The following NR2F1-AS1 variants were observed in gnomAD, a reference collection of about 807,000 sequenced individuals.
The protein encoded by NR2F1-AS1 is NR2F1 antisense RNA 1.
At chr5:93,438,421 C>T (rs903470775) in intron 4 of NR2F1-AS1, among the ~76,000 whole-genome samples, 8 of 152,190 alleles carry the variant, frequency 5.3e-5, no homozygotes, top group Non-Finnish European at 8.8e-5. Context: ...TCCTGCCTCT[C>T]ATTCACCAGG....
At chr5:93,443,004 A>T (rs1749609226) in intron 4 of NR2F1-AS1, among the ~76,000 whole-genome samples, 1 of 152,214 alleles carries the variant, frequency 6.6e-6, no homozygotes, top group South Asian at 2.1e-4. Flanking sequence ...GAAAACTAAC[A>T]AACAGAAAGG....
chr5:93,415,129 T>C (rs998550065), intron 4 of NR2F1-AS1, among the ~76,000 whole-genome samples: 1 of 152,206 alleles, frequency 6.6e-6, no homozygotes, highest in Non-Finnish European at 1.5e-5. Context: ...TTTAAGCCAC[T>C]ATACTTTGGT....
At chr5:93,435,667 A>G (rs1390275966) in intron 4 of NR2F1-AS1, among the ~76,000 whole-genome samples, 1 of 152,162 alleles carries the variant, frequency 6.6e-6, no homozygotes, top group Non-Finnish European at 1.5e-5. Context: ...ATGCCCCATC[A>G]GGGCTCGCTC....
At chr5:93,491,593 A>T (rs1450886593) in intron 4 of NR2F1-AS1, among the ~76,000 whole-genome samples, 10 of 152,312 alleles carry the variant, frequency 6.6e-5, no homozygotes, top group South Asian at 2.1e-4. Flanking sequence ...TAATCAGTTA[A>T]CAAAGGAAAG....
At chr5:93,576,429 CTTT>C (rs199848607) in intron 1 of NR2F1-AS1, among the ~76,000 whole-genome samples, 1 of 138,460 alleles carries the variant, frequency 7.2e-6, no homozygotes, top group Non-Finnish European at 1.6e-5. Flanking sequence ...TATGCTTGTG[CTTT>C]TTTTTTTTTT....
At chr5:93,422,875 C>G (rs1749116728) in intron 4 of NR2F1-AS1, among the ~76,000 whole-genome samples, 1 of 152,016 alleles carries the variant, frequency 6.6e-6, no homozygotes, top group Admixed American at 6.6e-5. Context: ...GTGGACAGCA[C>G]CTGGGGAGTT....
intron 4 of NR2F1-AS1, among the ~76,000 whole-genome samples, chr5:93,413,208 GTATATATATATATGTGTGTGTA>G (rs1561423409): frequency 7.8e-6 from 1 of 128,568 alleles, no homozygotes; most frequent in Non-Finnish European, 1.6e-5. Flanking sequence ...GTATATATAT[GTATATATATATATGTGTGTGTA>G]TATATATATA....
chr5:93,528,255 C>T (rs993044128), intron 4 of NR2F1-AS1, among the ~76,000 whole-genome samples: 11 of 152,194 alleles, frequency 7.2e-5, no homozygotes, highest in Non-Finnish European at 1.3e-4. Context: ...AAAAAAAGCT[C>T]ATCATCACTG....
At chr5:93,453,292 A>G (rs542377947) in intron 4 of NR2F1-AS1, among the ~76,000 whole-genome samples, 2 of 152,192 alleles carry the variant, frequency 1.3e-5, no homozygotes, top group Admixed American at 6.5e-5. Context: ...AGACCCCCCA[A>G]AATAGTCTCA....
At chr5:93,574,382 T>C (rs1386465845) in intron 1 of NR2F1-AS1, among the ~76,000 whole-genome samples, 2 of 152,208 alleles carry the variant, frequency 1.3e-5, no homozygotes, top group East Asian at 1.9e-4. Flanking sequence ...CCAAAACCTT[T>C]ATTTAAAAAA....
At chr5:93,470,282 A>G (rs750900188) in intron 4 of NR2F1-AS1, among the ~76,000 whole-genome samples, 16 of 151,972 alleles carry the variant, frequency 1.1e-4, no homozygotes, top group Non-Finnish European at 4.4e-5. Flanking sequence ...TTTTCCTTTC[A>G]TATGTCTTTT....
intron 4 of NR2F1-AS1, among the ~76,000 whole-genome samples, chr5:93,459,235 A>C (rs1047216079): frequency 1.3e-5 from 2 of 152,018 alleles, no homozygotes; most frequent in Admixed American, 6.6e-5. Flanking sequence ...CAATATTTGA[A>C]ATATTCAATA....
chr5:93,570,507 G>A (rs1207481161), intron 1 of NR2F1-AS1: 1 of 152,396 alleles, frequency 6.6e-6, no homozygotes, highest in East Asian at 1.9e-4. Flanking sequence ...CACTCCCTGG[G>A]GACCATTACT....
At chr5:93,581,819 TCTCTCTCTCTCTCTCTC>T (rs1432734170), upstream of NR2F1-AS1, among the ~76,000 whole-genome samples, 1 of 56,686 alleles carries the variant, frequency 1.8e-5, no homozygotes, top group Non-Finnish European at 3.4e-5. Flanking sequence ...CCCTCTCGTC[TCTCTCTCTCTCTCTCTC>T]CTCTCTCTCT....
chr5:93,524,694 T>G (rs1751574740), intron 4 of NR2F1-AS1, among the ~76,000 whole-genome samples: 2 of 151,944 alleles, frequency 1.3e-5, no homozygotes, highest in Non-Finnish European at 2.9e-5. Flanking sequence ...GAGAGTGGGG[T>G]CCAATATGCA....
intron 4 of NR2F1-AS1, among the ~76,000 whole-genome samples, chr5:93,533,260 A>G (rs1339410033): frequency 6.6e-6 from 1 of 152,336 alleles, no homozygotes; most frequent in East Asian, 1.9e-4. Flanking sequence ...AATTGATTTT[A>G]AGAATGAATA....
intron 4 of NR2F1-AS1, among the ~76,000 whole-genome samples, chr5:93,528,924 G>A (rs1391645533): frequency 6.6e-6 from 1 of 151,954 alleles, no homozygotes; most frequent in Non-Finnish European, 1.5e-5. Context: ...GGAGGGATAG[G>A]ATTAGGAGAA....
At chr5:93,499,515 C>A (rs1751034570) in intron 4 of NR2F1-AS1, among the ~76,000 whole-genome samples, 1 of 152,126 alleles carries the variant, frequency 6.6e-6, no homozygotes, top group African/African-American at 2.4e-5. Flanking sequence ...GTTTGAGGCA[C>A]CACGGACCAT....
upstream of NR2F1-AS1, among the ~76,000 whole-genome samples, chr5:93,581,751 T>G (rs1356062795): frequency 3.1e-5 from 1 of 32,040 alleles, no homozygotes; most frequent in African/African-American, 1.5e-4. Context: ...TCCCTCTCCC[T>G]CTCCCTCTCC....
Sources: gnomAD v4.1 joint callset for allele counts (sites outside exome capture counted in the v4.1 genomes callset) on GRCh38, gnomAD v4.1.1 for gene constraint, MANE v1.5 for transcripts, NCBI Gene and HGNC (gene_info 2026-07-23, HGNC 2026-07-21) for gene names.